Variants in RAB31 observed in about 807,000 individuals in gnomAD.
RAB31 encodes RAB31, member RAS oncogene family.
In RAB31, 21 loss-of-function variants were observed where a neutral mutation model predicts 25.6. The ratio of observed to expected loss-of-function variants is 0.82; its 90% CI spans 0.58 to 1.18. The LOEUF (loss-of-function observed/expected upper bound fraction) is 1.18. Among genes scored for constraint, RAB31 ranks in the 50% most tolerant of loss-of-function variants. The pLI is 0.00. For synonymous variants in RAB31, 87 were observed against 84.0 expected, an observed-to-expected ratio of 1.04 and a Z score of -0.20; for missense variants, 196 against 250.1, an observed-to-expected ratio of 0.78 and a Z score of 1.46.
intron 1 of RAB31, among the ~76,000 whole-genome samples, chr18:9,729,994 G>C (rs1187804205): frequency 1.3e-5 from 2 of 151,982 alleles, no homozygotes; most frequent in Admixed American, 6.6e-5. Flanking sequence ...GTAAATACGT[G>C]GTAGATTCTG....
chr18:9,795,129 A>G (rs1347072592), intron 3 of RAB31, among the ~76,000 whole-genome samples: 1 of 152,232 alleles, frequency 6.6e-6, no homozygotes, highest in African/African-American at 2.4e-5. Flanking sequence ...AAACAAAAAC[A>G]TAAAGTGGGA....
chr18:9,829,886 G>C (rs1032145429), intron 5 of RAB31, among the ~76,000 whole-genome samples: 26 of 151,082 alleles, frequency 1.7e-4, no homozygotes, highest in Middle Eastern at 3.4e-3. Flanking sequence ...TTTATTTTTA[G>C]GATTTAAAAA....
chr18:9,843,564 A>AT (rs1324102878), intron 5 of RAB31, among the ~76,000 whole-genome samples: 2 of 149,902 alleles, frequency 1.3e-5, no homozygotes, highest in Admixed American at 1.3e-4. Flanking sequence ...AAAAAAAAAA[A>AT]ACTTCAGGAG....
intron 2 of RAB31, among the ~76,000 whole-genome samples, chr18:9,776,973 A>G (rs1432372231): frequency 1.3e-5 from 2 of 152,210 alleles, no homozygotes; most frequent in African/African-American, 2.4e-5. Context: ...GCTCATTGGG[A>G]TATTTCAGAT....
At chr18:9,827,248 T>A (rs952400400) in intron 5 of RAB31, among the ~76,000 whole-genome samples, 1 of 151,896 alleles carries the variant, frequency 6.6e-6, no homozygotes, top group South Asian at 2.1e-4. Flanking sequence ...CTCACTGGTG[T>A]ATTTAGGGCC....
In RAB31 at chr18:9,840,615, A is replaced by G. The variant is rs185877930; in HGVS notation, c.381-4967A>G. Among the ~76,000 whole-genome samples the G allele has an allele frequency of 9.2e-5, 14 of 152,324 alleles. No homozygotes were observed. In the East Asian group the frequency reaches 1.4e-3, roughly 15 times the overall value. On this transcript the variant is annotated intron_variant, in intron 5 of 6. Coordinates refer to ENST00000578921, the MANE Select transcript of RAB31 (RefSeq NM_006868.4). ...AGTCACACCATTTGTTCCGACAGCA[A>G]TTTATCTGACACTAACTGGATGTCC... is the stretch of plus-strand genomic sequence containing the variant.
At chr18:9,776,326 TA>T (rs2068372197) in intron 2 of RAB31, among the ~76,000 whole-genome samples, 1 of 152,200 alleles carries the variant, frequency 6.6e-6, no homozygotes, top group Admixed American at 6.5e-5. Context: ...CAAGTCTTTG[TA>T]GGCAATGTAT....
intron 2 of RAB31, among the ~76,000 whole-genome samples, chr18:9,779,358 A>G (rs905660364): frequency 6.6e-6 from 1 of 152,236 alleles, no homozygotes; most frequent in Non-Finnish European, 1.5e-5. Context: ...CAATATTTAG[A>G]GTCCAAAGTG....
chr18:9,845,706 T>C lies in RAB31; in HGVS notation c.490+15T>C. 6.5e-7 allele frequency: 1 copy of C among 1,532,992 alleles called. No individual in the cohort carries two copies. The highest frequency in any genetic ancestry group is 8.8e-7 in the Non-Finnish European group (1 of 1,141,492). 95.0% of individuals were successfully genotyped at this position (1,532,992 alleles called of 1,614,324 possible). ...TCAAGGAATCAGTAAGTACCTGAAA[T>C]TGGGTTTTCAGCCCAACTTGCATTT... On this transcript the variant is annotated intron_variant, in intron 6 of 6. Coordinates refer to ENST00000578921, the MANE Select transcript of RAB31 (RefSeq NM_006868.4).
At chr18:9,798,483 C>T (rs982648169) in intron 3 of RAB31, among the ~76,000 whole-genome samples, 5 of 152,224 alleles carry the variant, frequency 3.3e-5, no homozygotes, top group East Asian at 3.9e-4. Context: ...ATTGGAGTCC[C>T]GTGAATTTTA....
At position 9,708,684 on chromosome 18, in the gene RAB31, C is replaced by T. The variant is rs888239719; in HGVS notation, c.39+240C>T. On this transcript the variant is annotated intron_variant, in intron 1 of 6. Coordinates refer to ENST00000578921, the MANE Select transcript of RAB31 (RefSeq NM_006868.4). The surrounding 1 kb of genome is among the most constrained non-coding windows in gnomAD (Gnocchi z 6.4). ...GCACCCCGCCTGTTCTCCGCCTCCC[C>T]GCCGTCCGTGCGCCCCTCTGGTCCG... Among the ~76,000 whole-genome samples, 2 of 152,028 alleles carry T rather than the reference C, an allele frequency of 1.3e-5. No individual in the cohort carries two copies. Among genetic ancestry groups the T allele is most frequent in the African/African-American group, 4.8e-5 (2 of 41,404 alleles).
At chr18:9,768,822 T>G (rs922568805) in intron 1 of RAB31, among the ~76,000 whole-genome samples, 4 of 152,114 alleles carry the variant, frequency 2.6e-5, no homozygotes, top group South Asian at 2.1e-4. Flanking sequence ...GGTTTTGGGG[T>G]TTTAGGTCTT....
Position 9,792,195 on chromosome 18 carries a change from T to C in RAB31, c.161T>C (p.Leu54Pro). Reference protein sequence around the residue: ...MTKTVPCGNELHKFLIWDTAG... With the variant: ...MTKTVPCGNEPHKFLIWDTAG... ...AAAACTGTGCCTTGTGGAAATGAACTTCACAAGTTCCTCATCTGGGACACT... is the reference window on the plus strand; with the variant it reads ...AAAACTGTGCCTTGTGGAAATGAACCTCACAAGTTCCTCATCTGGGACACT... Residue 54 changes from leucine (L) to proline (P), a missense_variant, in exon 3 of 7, where the codon CTT becomes CCT. Coordinates refer to ENST00000578921, the MANE Select transcript of RAB31 (RefSeq NM_006868.4). 3 of 1,612,670 alleles carry C rather than the reference T, an allele frequency of 1.9e-6. No homozygotes were observed. Among genetic ancestry groups the C allele is most frequent in the Non-Finnish European group, 2.5e-6 (3 of 1,179,332 alleles).
At chr18:9,794,417 G>A (rs2068476511) in intron 3 of RAB31, among the ~76,000 whole-genome samples, 1 of 152,022 alleles carries the variant, frequency 6.6e-6, no homozygotes, top group Non-Finnish European at 1.5e-5. Flanking sequence ...CAAACAAATG[G>A]AAACACATCC....
intron 5 of RAB31, among the ~76,000 whole-genome samples, chr18:9,838,746 G>A (rs529410220): frequency 3.3e-5 from 5 of 152,316 alleles, no homozygotes; most frequent in African/African-American, 1.2e-4. Flanking sequence ...ACCAGCTCAG[G>A]GCTCACCTCG....
intron 1 of RAB31, among the ~76,000 whole-genome samples, chr18:9,744,765 A>G (rs939773395): frequency 1.3e-5 from 2 of 152,188 alleles, no homozygotes; most frequent in South Asian, 2.1e-4. Flanking sequence ...GAAATTGGAA[A>G]TTACCTTGAG....
chr18:9,730,335 G>A (rs12605525), intron 1 of RAB31, among the ~76,000 whole-genome samples: 3,095 of 148,574 alleles, frequency 0.021, 109 homozygotes, highest in South Asian at 0.15. Flanking sequence ...TGCCCGGGCT[G>A]GAGTGCAGTG....
At chr18:9,826,239 G>A (rs1329404491) in intron 5 of RAB31, among the ~76,000 whole-genome samples, 1 of 152,006 alleles carries the variant, frequency 6.6e-6, no homozygotes, top group Non-Finnish European at 1.5e-5. Flanking sequence ...AGCCAGGTGT[G>A]GTGGCACACG....
chr18:9,783,697 T>C (rs1304269604), intron 2 of RAB31, among the ~76,000 whole-genome samples: 1 of 152,196 alleles, frequency 6.6e-6, no homozygotes, highest in Non-Finnish European at 1.5e-5. Context: ...TACAAAAGTT[T>C]AGTGGAAAAT....
Sources: gnomAD v4.1 joint callset for allele counts (sites outside exome capture counted in the v4.1 genomes callset) on GRCh38, gnomAD v4.1.1 for gene constraint, Gnocchi (gnomAD v3.1) non-coding constraint, MANE v1.5 for transcripts, NCBI Gene and HGNC (gene_info 2026-07-23, HGNC 2026-07-21) for gene names.